CMC2: variants seen among roughly 807,000 people sequenced by gnomAD.
CMC2 encodes C-X9-C motif containing 2.
A neutral mutation model predicts 7.5 loss-of-function variants in CMC2; 5 were observed. The observed-to-expected ratio is 0.66, with a 90% CI of 0.35 to 1.40. The LOEUF (loss-of-function observed/expected upper bound fraction) is 1.40. Among genes scored for constraint, CMC2 ranks in the 40% most tolerant of loss-of-function variants. The probability of loss-of-function intolerance (pLI) is 0.04; values close to 1 mark genes in which losing one functional copy is unlikely to be tolerated. For missense variants in CMC2, 115 were observed against 92.3 expected (o/e 1.25, Z -1.01); for synonymous variants, 37 against 31.4 (o/e 1.18, Z -0.60).
intron 2 of CMC2, among the ~76,000 whole-genome samples, chr16:80,992,815 C>G (rs1273106028): frequency 6.6e-6 from 1 of 151,540 alleles, no homozygotes; most frequent in African/African-American, 2.4e-5. Flanking sequence ...CCTCAACCTT[C>G]CAAGTAGCTA....
chr16:80,997,687 G>A lies in CMC2; in HGVS notation c.-35-258C>T, dbSNP rs145194824. On this transcript the variant is annotated intron_variant, in intron 1 of 3. Coordinates refer to ENST00000219400, the MANE Select transcript of CMC2 (RefSeq NM_020188.5). The stretch of plus-strand genomic sequence containing the variant: ...AGGAAGCCTCAAGAGACCCAATCCC[G>A]GAAATAAGCACTAAAGCAGAAACAG... The A allele has an allele frequency of 9.1e-4, 214 of 235,256 alleles. 3 individuals are homozygous for A. The East Asian group carries it at 0.017, about 18-fold the overall frequency. 14.6% of individuals were successfully genotyped at this position (235,256 alleles called of 1,614,324 possible).
chr16:80,989,977 CTTGGGTTAG>C (rs1967842578), intron 2 of CMC2, among the ~76,000 whole-genome samples: 1 of 152,198 alleles, frequency 6.6e-6, no homozygotes, highest in African/African-American at 2.4e-5. Flanking sequence ...GTTCAAATTA[CTTGGGTTAG>C]TTCATTTTTT....
chr16:80,993,348 C>G (rs1398247106), intron 2 of CMC2, among the ~76,000 whole-genome samples: 1 of 152,152 alleles, frequency 6.6e-6, no homozygotes, highest in Non-Finnish European at 1.5e-5. Flanking sequence ...GAACAGAACT[C>G]AAGAGGAGAA....
chr16:80,982,123 C>T (rs1967164990), intron 2 of CMC2, among the ~76,000 whole-genome samples: 1 of 151,802 alleles, frequency 6.6e-6, no homozygotes, highest in African/African-American at 2.4e-5. Flanking sequence ...ACATTTGGAA[C>T]AATTAAAAAA....
At chr16:80,995,952 C>A (rs1968383916) in intron 2 of CMC2, among the ~76,000 whole-genome samples, 1 of 151,796 alleles carries the variant, frequency 6.6e-6, no homozygotes. Context: ...TAAAATCCAT[C>A]TTTAGTTCCA....
chr16:80,988,427 T>A (rs1967707459), intron 2 of CMC2: 1 of 641,082 alleles, frequency 1.6e-6, no homozygotes, highest in Admixed American at 2.6e-5. Flanking sequence ...TGACAGCAGA[T>A]GTCTTTAAAA....
At chr16:81,000,148 T>C (rs922863478) in intron 1 of CMC2, among the ~76,000 whole-genome samples, 2 of 152,086 alleles carry the variant, frequency 1.3e-5, no homozygotes, top group Non-Finnish European at 2.9e-5. Context: ...AGGTCTAATA[T>C]CCAGAATCTA....
intron 1 of CMC2, among the ~76,000 whole-genome samples, chr16:81,000,364 C>T (rs538579264): frequency 2.8e-4 from 42 of 152,052 alleles, no homozygotes; most frequent in Admixed American, 1.5e-3. Context: ...GGTGTGGTGG[C>T]GGGCGCCTGT....
Position 81,004,084 on chromosome 16 carries a change from G to A in CMC2, c.-36+2650C>T, listed in dbSNP as rs565317189. On this transcript the variant is annotated intron_variant, in intron 1 of 3. Coordinates refer to ENST00000219400, the MANE Select transcript of CMC2 (RefSeq NM_020188.5). ...CTAAAAATACAAAAATTCGCTGGGC[G>A]TGGTGGTGGGGGCCTGTAATCCAGC... Among the ~76,000 whole-genome samples, 12 of 152,242 alleles carry A rather than the reference G, an allele frequency of 7.9e-5. No homozygotes were observed. In the South Asian group the frequency reaches 1.0e-3, roughly 13 times the overall value.
chr16:80,985,713 G>C (rs1019299974), intron 2 of CMC2, among the ~76,000 whole-genome samples: 4 of 152,032 alleles, frequency 2.6e-5, no homozygotes, highest in Admixed American at 1.3e-4. Context: ...TACTCAAACA[G>C]AGTGACTGCA....
At chr16:80,978,110 G>A (rs1303071820) in intron 3 of CMC2, 2 of 207,808 alleles carry the variant, frequency 9.6e-6, no homozygotes, top group Non-Finnish European at 1.7e-5. Context: ...TGAAGCACCA[G>A]GTCCCTTCAA....
intron 2 of CMC2, chr16:80,988,727 CA>C: frequency 9.3e-6 from 5 of 538,204 alleles, no homozygotes; most frequent in Non-Finnish European, 1.6e-5. Flanking sequence ...ATCATTCATG[CA>C]AAAGGCAAAA....
intron 3 of CMC2, among the ~76,000 whole-genome samples, chr16:80,976,688 C>T (rs1224906821): frequency 2.0e-5 from 3 of 152,176 alleles, no homozygotes; most frequent in African/African-American, 7.2e-5. Context: ...TGAGAGGTAG[C>T]CTGTCTAACT....
chr16:80,990,839 C>G (rs550764758), intron 2 of CMC2, among the ~76,000 whole-genome samples: 31 of 152,258 alleles, frequency 2.0e-4, no homozygotes, highest in Admixed American at 1.6e-3. Flanking sequence ...CCACCTCAAC[C>G]TCAGCCTCCT....
chr16:80,977,966 G>A (rs1049337891), intron 3 of CMC2, among the ~76,000 whole-genome samples: 1 of 151,986 alleles, frequency 6.6e-6, no homozygotes, highest in African/African-American at 2.4e-5. Flanking sequence ...CAGCTATTCA[G>A]GAGGCTGAGG....
intron 2 of CMC2, among the ~76,000 whole-genome samples, chr16:80,991,557 C>T (rs997559757): frequency 2.0e-5 from 3 of 152,006 alleles, no homozygotes; most frequent in Non-Finnish European, 4.4e-5. Flanking sequence ...GAGAGGATCA[C>T]CCAGGCCCAG....
intron 2 of CMC2, chr16:80,996,874 C>A (rs1364344635): frequency 3.4e-6 from 1 of 291,384 alleles, no homozygotes; most frequent in Non-Finnish European, 6.9e-6. Context: ...TCAGATTAAG[C>A]CAATCATAAA....
At chr16:80,997,680 C>A in intron 1 of CMC2, 1 of 249,748 alleles carries the variant, frequency 4.0e-6, no homozygotes, top group Non-Finnish European at 7.6e-6. Context: ...TCAAGAGACC[C>A]AATCCCGGAA....
intron 1 of CMC2, 146 bp from the exon 2 acceptor site, chr16:80,997,575 T>C (rs932177585): frequency 3.8e-5 from 19 of 502,556 alleles, no homozygotes; most frequent in Non-Finnish European, 4.6e-5. Flanking sequence ...TTATTAAACT[T>C]GAGACAAAGC....
Sources: gnomAD v4.1 joint callset for allele counts (sites outside exome capture counted in the v4.1 genomes callset) on GRCh38, gnomAD v4.1.1 for gene constraint, MANE v1.5 for transcripts, NCBI Gene and HGNC (gene_info 2026-07-23, HGNC 2026-07-21) for gene names.